The following TFPI variants were observed in gnomAD, a reference collection of about 807,000 sequenced individuals.
The protein encoded by TFPI is anti-convertin.
TFPI carries 15 observed loss-of-function variants against 34.6 expected under a neutral mutation model. That is an observed-to-expected ratio of 0.43 (90% CI 0.29 to 0.67). TFPI has a LOEUF of 0.67. TFPI is among the 30% of genes least tolerant of loss of function. The probability of loss-of-function intolerance (pLI) is 0.15; values close to 1 mark genes in which losing one functional copy is unlikely to be tolerated. For synonymous variants in TFPI, 105 were observed against 120.1 expected, an observed-to-expected ratio of 0.87 and a Z score of 0.82; for missense variants, 301 against 364.0, an observed-to-expected ratio of 0.83 and a Z score of 1.41.
intron 3 of TFPI, among the ~76,000 whole-genome samples, chr2:187,491,176 T>A (rs1272991200): frequency 1.3e-5 from 2 of 152,028 alleles, no homozygotes; most frequent in African/African-American, 4.8e-5. Context: ...CAGTTCTTTG[T>A]TTTTTCTTTT....
chr2:187,533,057 A>G (rs556966477), intron 1 of TFPI, among the ~76,000 whole-genome samples: 140 of 152,318 alleles, frequency 9.2e-4, no homozygotes, highest in Admixed American at 2.0e-3. Context: ...GAAAAACAGC[A>G]GCCCCAGTCA....
intron 2 of TFPI, among the ~76,000 whole-genome samples, chr2:187,499,335 A>T (rs1685697340): frequency 6.6e-6 from 1 of 152,106 alleles, no homozygotes; most frequent in African/African-American, 2.4e-5. Flanking sequence ...ATTGCTAAAA[A>T]TACTTTCTAA....
Position 187,480,305 on chromosome 2 carries a change from T to G in TFPI, c.628+3819A>C, listed in dbSNP as rs8176527. The stretch of plus-strand genomic sequence containing the variant: ...GGTGAATTAAGTGTATTACTCTGAA[T>G]CACATGGATAATAATAATGAGTAAC... On this transcript the variant is annotated intron_variant, in intron 6 of 7. Transcript: ENST00000233156. 9.5e-3 allele frequency among the ~76,000 whole-genome samples: 1,439 copies of G among 151,914 alleles called. 21 individuals carry two copies. The highest frequency in any genetic ancestry group is 0.033 in the African/African-American group (1,368 of 41,464).
At position 187,494,209 on chromosome 2, in the gene TFPI, AT is replaced by A. The variant is rs566050188; in HGVS notation, c.319+2671del. ...CCGCCCCATCCCCCATGATTCAATC[AT>A]TTCCCACCAGTCCCTCCCACAACAT... On this transcript the variant is annotated intron_variant, in intron 3 of 7. Coordinates refer to ENST00000233156, the MANE Select transcript of TFPI (RefSeq NM_006287.6). 3.0e-4 allele frequency among the ~76,000 whole-genome samples: 42 copies of A among 141,670 alleles called. No individual in the cohort carries two copies. The East Asian group carries it at 8.7e-3, about 29-fold the overall frequency. The allele number at this position is 141,670 out of a possible 152,430, so 92.9% of individuals were successfully genotyped here. A position where few individuals can be genotyped will look rare whatever the true frequency, so the allele number is the denominator to read the frequency against.
intron 1 of TFPI, chr2:187,527,210 G>A (rs1429471403): frequency 6.6e-6 from 1 of 152,148 alleles, no homozygotes; most frequent in Non-Finnish European, 1.5e-5. Context: ...AATTCTGATA[G>A]CTTTCTATTT....
chr2:187,548,206 C>T (rs1287732722), intron 1 of TFPI, among the ~76,000 whole-genome samples: 1 of 151,888 alleles, frequency 6.6e-6, no homozygotes, highest in East Asian at 1.9e-4. Context: ...TAATCTCTTC[C>T]TTGGCTTTCA....
chr2:187,533,205 C>T (rs933742869), intron 1 of TFPI, among the ~76,000 whole-genome samples: 1 of 152,184 alleles, frequency 6.6e-6, no homozygotes, highest in African/African-American at 2.4e-5. Context: ...GCACAGTGTT[C>T]GAGCTCTGCT....
At chr2:187,504,065 G>A (rs890318929) in intron 1 of TFPI, among the ~76,000 whole-genome samples, 5 of 152,036 alleles carry the variant, frequency 3.3e-5, no homozygotes, top group African/African-American at 1.2e-4. Context: ...ATGGGTAAAC[G>A]CTGATCAATA....
chr2:187,471,766 G>T (rs1378225327), intron 6 of TFPI, among the ~76,000 whole-genome samples: 8 of 151,778 alleles, frequency 5.3e-5, no homozygotes, highest in Non-Finnish European at 1.2e-4. Context: ...AATTTGCTTT[G>T]AGATTTGTAC....
intron 2 of TFPI, among the ~76,000 whole-genome samples, chr2:187,498,346 A>G (rs1431594739): frequency 6.6e-6 from 1 of 151,778 alleles, no homozygotes; most frequent in Non-Finnish European, 1.5e-5. Context: ...AATTTTATTA[A>G]TTGCACTCCA....
At chr2:187,527,261 T>C (rs926588121) in intron 1 of TFPI, 3 of 152,198 alleles carry the variant, frequency 2.0e-5, no homozygotes, top group African/African-American at 7.2e-5. Flanking sequence ...GTATTCTCAA[T>C]TGTAAATCCA....
chr2:187,534,325 T>C (rs960781217), intron 1 of TFPI, among the ~76,000 whole-genome samples: 1 of 152,212 alleles, frequency 6.6e-6, no homozygotes, highest in African/African-American at 2.4e-5. Context: ...GAGAGAAATG[T>C]TGGGTTTCCC....
At chr2:187,479,784 G>C (rs1692702837) in intron 6 of TFPI, among the ~76,000 whole-genome samples, 1 of 151,090 alleles carries the variant, frequency 6.6e-6, no homozygotes. Context: ...AACCATGAAG[G>C]ATTGATGATC....
At position 187,536,097 on chromosome 2, in the gene TFPI, T is replaced by A. The variant is rs572475153; in HGVS notation, c.-3+18103A>T. Among the ~76,000 whole-genome samples, 5 of 152,200 alleles carry A rather than the reference T, an allele frequency of 3.3e-5. No individual in the cohort carries two copies. In the East Asian group the frequency reaches 9.7e-4, roughly 29 times the overall value. On this transcript the variant is annotated intron_variant, in intron 1 of 7. Transcript: ENST00000233156. ...GAAATTGAGGCAGTAATCAATAGAA[T>A]ACCAACCAAAAAAAGCCCAGGACCA... is the stretch of plus-strand genomic sequence containing the variant.
intron 1 of TFPI, among the ~76,000 whole-genome samples, chr2:187,505,881 G>A (rs908416314): frequency 3.3e-5 from 5 of 152,036 alleles, no homozygotes; most frequent in African/African-American, 1.2e-4. Context: ...CTCCCAGAAG[G>A]AGGAAATTGT....
At chr2:187,522,847 T>C (rs997526522) in intron 1 of TFPI, among the ~76,000 whole-genome samples, 11 of 151,144 alleles carry the variant, frequency 7.3e-5, no homozygotes, top group African/African-American at 2.7e-4. Flanking sequence ...GCCGAGATCG[T>C]GCCGCTGCAC....
At chr2:187,468,780 C>T (rs1022184857) in intron 6 of TFPI, among the ~76,000 whole-genome samples, 5 of 151,796 alleles carry the variant, frequency 3.3e-5, no homozygotes, top group Non-Finnish European at 7.4e-5. Flanking sequence ...TGAGGGGCAC[C>T]GAGTACTCTT....
intron 1 of TFPI, chr2:187,527,237 A>C (rs1168090060): frequency 6.6e-6 from 1 of 152,154 alleles, no homozygotes; most frequent in Non-Finnish European, 1.5e-5. Context: ...TTTGAAGTTT[A>C]CTTTTTGCAA....
chr2:187,525,102 A>T (rs563374140), intron 1 of TFPI, among the ~76,000 whole-genome samples: 199 of 152,178 alleles, frequency 1.3e-3, no homozygotes, highest in South Asian at 2.3e-3. Flanking sequence ...AAAAAGGAAG[A>T]CCTTTGAGAC....
Sources: gnomAD v4.1 joint callset for allele counts (sites outside exome capture counted in the v4.1 genomes callset) on GRCh38, gnomAD v4.1.1 for gene constraint, MANE v1.5 for transcripts, NCBI Gene and HGNC (gene_info 2026-07-23, HGNC 2026-07-21) for gene names.